ZNF804A: variants seen among roughly 807,000 people sequenced by gnomAD.
The protein encoded by ZNF804A is zinc finger protein 804A.
A neutral mutation model predicts 16.5 loss-of-function variants in ZNF804A; 2 were observed. The observed-to-expected ratio is 0.12, with a 90% CI of 0.05 to 0.38. The LOEUF (loss-of-function observed/expected upper bound fraction) is 0.38. Ranked by LOEUF, ZNF804A falls within the 10% of genes least tolerant of loss-of-function variation. ZNF804A has a pLI of 0.99. For synonymous variants in ZNF804A, 534 were observed against 489.6 expected (o/e 1.09, Z -1.20); for missense variants, 1,473 against 1,390.7 (o/e 1.06, Z -0.94).
At position 184,820,989 on chromosome 2, in the gene ZNF804A, G is replaced by A. The variant is rs569014844; in HGVS notation, c.112-45380G>A. On this transcript the variant is annotated intron_variant, in intron 1 of 3. Coordinates refer to ENST00000302277, the MANE Select transcript of ZNF804A (RefSeq NM_194250.2). ...TCAATATGGCAAAAATTGCCATATT[G>A]CCCAAAGTAACTTATAGATTAAATG... is the stretch of plus-strand genomic sequence containing the variant. 2.0e-5 allele frequency among the ~76,000 whole-genome samples: 3 copies of A among 151,996 alleles called. No individual in the cohort carries two copies. The South Asian group carries it at 6.2e-4, about 32-fold the overall frequency.
chr2:184,827,153 T>C (rs939190555), intron 1 of ZNF804A, among the ~76,000 whole-genome samples: 1 of 151,792 alleles, frequency 6.6e-6, no homozygotes, highest in East Asian at 1.9e-4. Flanking sequence ...ATGGTCAGCA[T>C]ATTTAACTAA....
Position 184,937,332 on chromosome 2 carries a change from G to A in ZNF804A, c.1936G>A (p.Ala646Thr), listed in dbSNP as rs748908569. The A allele has an allele frequency of 7.4e-6, 12 of 1,613,784 alleles. No individual in the cohort carries two copies. The highest frequency in any genetic ancestry group is 1.1e-5 in the South Asian group (1 of 91,084). ...AATTTCAGAAAAGCAGTATTTAGCT[G>A]CAGAGCAATTATTAGACTCACATCA... The part of the protein sequence containing the change: ...EPISEKQYLA[A>T]EQLLDSHQLL... The change falls in exon 4 of 4, where the codon GCA (alanine) becomes ACA (threonine). Residue 646 changes from alanine (A) to threonine (T), a missense_variant. Physicochemically the swap from Ala to Thr is moderately conservative, Grantham distance 58. Coordinates refer to ENST00000302277, the MANE Select transcript of ZNF804A (RefSeq NM_194250.2).
At chr2:184,782,937 T>C (rs1267809113) in intron 1 of ZNF804A, among the ~76,000 whole-genome samples, 1 of 150,738 alleles carries the variant, frequency 6.6e-6, no homozygotes, top group East Asian at 2.0e-4. Flanking sequence ...TTCAAACTTC[T>C]TCAGCAGCAA....
chr2:184,700,836 A>G (rs1373532750), intron 1 of ZNF804A, among the ~76,000 whole-genome samples: 2 of 151,992 alleles, frequency 1.3e-5, no homozygotes, highest in Admixed American at 1.3e-4. Context: ...TTTGGAAATG[A>G]CCCTCCATTG....
intron 1 of ZNF804A, among the ~76,000 whole-genome samples, chr2:184,627,310 GA>G (rs904639236): frequency 2.0e-5 from 3 of 148,688 alleles, no homozygotes; most frequent in Admixed American, 6.7e-5. Flanking sequence ...GTTTTTTCCA[GA>G]AAAAAAAATA....
chr2:184,775,772 C>T (rs1389865594), intron 1 of ZNF804A, among the ~76,000 whole-genome samples: 1 of 151,446 alleles, frequency 6.6e-6, no homozygotes, highest in East Asian at 1.9e-4. Context: ...AGACATGAAG[C>T]AAGATAAAAA....
intron 1 of ZNF804A, among the ~76,000 whole-genome samples, chr2:184,726,988 G>A (rs1050579953): frequency 1.3e-5 from 2 of 151,568 alleles, no homozygotes; most frequent in African/African-American, 4.8e-5. Context: ...ACATTGAGGA[G>A]TTACGTGGAA....
chr2:184,804,850 C>A (rs1188483993), intron 1 of ZNF804A, among the ~76,000 whole-genome samples: 1 of 152,088 alleles, frequency 6.6e-6, no homozygotes, highest in Non-Finnish European at 1.5e-5. Flanking sequence ...TAAATATAGC[C>A]GTACACTTCG....
intron 1 of ZNF804A, among the ~76,000 whole-genome samples, chr2:184,614,940 A>C (rs1691296435): frequency 6.6e-6 from 1 of 152,214 alleles, no homozygotes; most frequent in South Asian, 2.1e-4. Flanking sequence ...TGTTGGTGGG[A>C]GTGTAAATTA....
chr2:184,832,779 G>A (rs2105796443), intron 1 of ZNF804A, among the ~76,000 whole-genome samples: 1 of 151,882 alleles, frequency 6.6e-6, no homozygotes, highest in East Asian at 1.9e-4. Context: ...TGTTTTAAAT[G>A]TACATCAATG....
intron 1 of ZNF804A, among the ~76,000 whole-genome samples, chr2:184,754,578 T>C (rs1256862922): frequency 6.6e-6 from 1 of 151,900 alleles, no homozygotes; most frequent in Non-Finnish European, 1.5e-5. Context: ...AAGTGTTTTG[T>C]TTATTCTACT....
intron 1 of ZNF804A, among the ~76,000 whole-genome samples, chr2:184,841,770 A>T (rs1472941149): frequency 6.6e-6 from 1 of 152,090 alleles, no homozygotes; most frequent in Non-Finnish European, 1.5e-5. Flanking sequence ...TGTGTTTCAG[A>T]TATATCTTTT....
intron 1 of ZNF804A, among the ~76,000 whole-genome samples, chr2:184,671,334 G>A (rs917586902): frequency 6.6e-6 from 1 of 152,102 alleles, no homozygotes; most frequent in East Asian, 1.9e-4. Flanking sequence ...CTACTGTCTG[G>A]GTTGAATCAT....
chr2:184,614,774 A>C (rs1376134396), intron 1 of ZNF804A, among the ~76,000 whole-genome samples: 3 of 152,328 alleles, frequency 2.0e-5, no homozygotes, highest in Middle Eastern at 3.4e-3. Flanking sequence ...GTGACCAACA[A>C]ACATGAAAAA....
chr2:184,805,201 T>C (rs1390688964), intron 1 of ZNF804A, among the ~76,000 whole-genome samples: 3 of 152,284 alleles, frequency 2.0e-5, no homozygotes, highest in East Asian at 3.9e-4. Flanking sequence ...GTCTATCATA[T>C]TATTTTTTCT....
At chr2:184,904,780 AATG>A (rs1685244043) in intron 2 of ZNF804A, among the ~76,000 whole-genome samples, 1 of 152,056 alleles carries the variant, frequency 6.6e-6, no homozygotes, top group Admixed American at 6.6e-5. Context: ...GAAACTGAGA[AATG>A]ATATGATTTT....
chr2:184,935,656 C>A (rs1182652065), intron 3 of ZNF804A, 127 bp from the exon 4 acceptor site: 9 of 1,084,920 alleles, frequency 8.3e-6, no homozygotes, highest in African/African-American at 4.8e-5. Flanking sequence ...CATATGAAGG[C>A]AATTCTGTCA....
chr2:184,898,637 T>G (rs1280503596), intron 2 of ZNF804A, among the ~76,000 whole-genome samples: 1 of 152,052 alleles, frequency 6.6e-6, no homozygotes, highest in Non-Finnish European at 1.5e-5. Flanking sequence ...ATTTTACCTT[T>G]CTCTAGATTG....
At chr2:184,831,766 A>G (rs746199033) in intron 1 of ZNF804A, among the ~76,000 whole-genome samples, 1 of 151,916 alleles carries the variant, frequency 6.6e-6, no homozygotes, top group Non-Finnish European at 1.5e-5. Context: ...TACAACAGCA[A>G]AAAACCACTG....
Sources: allele counts gnomAD v4.1 joint callset (sites outside exome capture counted in the v4.1 genomes callset), GRCh38; gene constraint gnomAD v4.1.1; transcripts MANE v1.5; gene names NCBI Gene and HGNC (gene_info 2026-07-23, HGNC 2026-07-21).